RTN4IP1: variants seen among roughly 807,000 people sequenced by gnomAD.
The protein encoded by RTN4IP1 is reticulon 4 interacting protein 1.
In RTN4IP1, 32 loss-of-function variants were observed where a neutral mutation model predicts 46.6. The ratio of observed to expected loss-of-function variants is 0.69; its 90% CI spans 0.52 to 0.92. RTN4IP1 has a LOEUF of 0.92. Ranked by LOEUF, RTN4IP1 falls within the 40% of genes least tolerant of loss-of-function variation. The probability of loss-of-function intolerance (pLI) is 0.00; values close to 1 mark genes in which losing one functional copy is unlikely to be tolerated. For missense variants in RTN4IP1, 424 were observed against 485.8 expected (o/e 0.87, Z 1.20); for synonymous variants, 167 against 161.8 (o/e 1.03, Z -0.24).
intron 8 of RTN4IP1, among the ~76,000 whole-genome samples, chr6:106,572,595 C>T (rs1484962708): frequency 6.6e-6 from 1 of 152,112 alleles, no homozygotes; most frequent in East Asian, 1.9e-4. Context: ...CAGTTTGCAA[C>T]GTGTTGTCCC....
intron 7 of RTN4IP1, among the ~76,000 whole-genome samples, chr6:106,584,111 G>C (rs1487387222): frequency 6.6e-6 from 1 of 152,110 alleles, no homozygotes; most frequent in Non-Finnish European, 1.5e-5. Flanking sequence ...GTTATTCTTT[G>C]TTTATTTAAT....
intron 5 of RTN4IP1, among the ~76,000 whole-genome samples, chr6:106,596,073 T>C (rs901830937): frequency 2.6e-5 from 4 of 152,218 alleles, no homozygotes; most frequent in African/African-American, 9.6e-5. Context: ...GTTACATCTT[T>C]GGGCATTTCT....
At chr6:106,629,693 G>A, upstream of RTN4IP1, 1 of 1,606,368 alleles carries the variant, frequency 6.2e-7, no homozygotes, top group Non-Finnish European at 8.5e-7. Context: ...TGCTGGGCCG[G>A]AGCCTCCGAG....
intron 5 of RTN4IP1, among the ~76,000 whole-genome samples, chr6:106,598,883 A>C (rs1775873959): frequency 6.6e-6 from 1 of 152,024 alleles, no homozygotes; most frequent in African/African-American, 2.4e-5. Flanking sequence ...ATAAGGTGTA[A>C]GGAAGGGATC....
intron 3 of RTN4IP1, 87 bp downstream of exon 3, chr6:106,621,338 C>A: frequency 1.0e-6 from 1 of 994,896 alleles, no homozygotes; most frequent in Non-Finnish European, 1.6e-6. Flanking sequence ...CAAACATAAA[C>A]TAGATCTGAA....
At chr6:106,607,770 G>C (rs987243551) in intron 4 of RTN4IP1, 3 of 152,086 alleles carry the variant, frequency 2.0e-5, no homozygotes, top group Non-Finnish European at 4.4e-5. Context: ...AGATTAGCAT[G>C]GTCCCTGAGC....
At chr6:106,585,397 C>A (rs546436308) in intron 7 of RTN4IP1, among the ~76,000 whole-genome samples, 1 of 152,104 alleles carries the variant, frequency 6.6e-6, no homozygotes, top group South Asian at 2.1e-4. Context: ...ACTGTGGATC[C>A]AGTAAATGAC....
At chr6:106,620,630 T>C (rs1776464282) in intron 3 of RTN4IP1, among the ~76,000 whole-genome samples, 1 of 152,102 alleles carries the variant, frequency 6.6e-6, no homozygotes, top group Non-Finnish European at 1.5e-5. Context: ...TTAATAAATA[T>C]TGCATAGCTC....
chr6:106,605,400 T>C (rs1158901941), intron 4 of RTN4IP1, among the ~76,000 whole-genome samples: 1 of 145,812 alleles, frequency 6.9e-6, no homozygotes, highest in Non-Finnish European at 1.5e-5. Flanking sequence ...CACTCCAGCC[T>C]GGCAACAGAG....
Position 106,619,325 on chromosome 6 carries a change from A to G in RTN4IP1, c.497T>C (p.Val166Ala). The change falls in exon 4 of 9, where the codon GTC becomes GCC. Residue 166 changes from valine (V) to alanine (A), a missense_variant and splice_region_variant. Coordinates refer to ENST00000369063, the MANE Select transcript of RTN4IP1 (RefSeq NM_032730.5). ...SEFVVVSGNEVSHKPKSLTHT... is the reference protein window; with the variant it reads ...SEFVVVSGNEASHKPKSLTHT... ...AGTGAGTGATTTGGGTTTGTGAGAG[A>G]CCTACATTTGAAGACAACAGTCAAA... 1.2e-6 allele frequency: 2 copies of G among 1,614,030 alleles called. No individual in the cohort carries two copies. The highest frequency in any genetic ancestry group is 1.7e-6 in the Non-Finnish European group (2 of 1,179,974).
chr6:106,619,912 A>G (rs1207974002), intron 3 of RTN4IP1, among the ~76,000 whole-genome samples: 5 of 149,378 alleles, frequency 3.3e-5, no homozygotes, highest in Admixed American at 3.3e-4. Flanking sequence ...CGCCTGGCCT[A>G]TGATTTTCTT....
intron 4 of RTN4IP1, among the ~76,000 whole-genome samples, chr6:106,613,944 GC>G (rs2114670601): frequency 6.6e-6 from 1 of 152,232 alleles, no homozygotes; most frequent in South Asian, 2.1e-4. Flanking sequence ...TCACTTGGAA[GC>G]CCACCCCTCT....
intron 8 of RTN4IP1, among the ~76,000 whole-genome samples, chr6:106,574,162 C>T (rs1775159743): frequency 6.6e-6 from 1 of 152,124 alleles, no homozygotes; most frequent in African/African-American, 2.4e-5. Context: ...TGATGTTTCT[C>T]GGCCCAGTGC....
chr6:106,592,345 T>G, intron 5 of RTN4IP1, 45 bp from the exon 6 acceptor site: 1 of 1,588,868 alleles, frequency 6.3e-7, no homozygotes, highest in Non-Finnish European at 8.6e-7. Flanking sequence ...AGGGAGAGAT[T>G]AGAAAAACTG....
chr6:106,593,488 A>C (rs1775712652), intron 5 of RTN4IP1, among the ~76,000 whole-genome samples: 1 of 152,164 alleles, frequency 6.6e-6, no homozygotes, highest in Non-Finnish European at 1.5e-5. Flanking sequence ...ATAATTATAG[A>C]TCATAAGAGA....
intron 4 of RTN4IP1, among the ~76,000 whole-genome samples, chr6:106,616,176 C>T (rs1375640351): frequency 6.6e-6 from 1 of 152,172 alleles, no homozygotes; most frequent in Non-Finnish European, 1.5e-5. Flanking sequence ...CTCGGCCTCC[C>T]AAAGTGCTGG....
intron 7 of RTN4IP1, among the ~76,000 whole-genome samples, chr6:106,586,839 C>A (rs112712944): frequency 6.6e-6 from 1 of 152,154 alleles, no homozygotes; most frequent in South Asian, 2.1e-4. Context: ...TCAAGCTCTG[C>A]TATTAGTCTT....
chr6:106,580,668 G>A (rs1270935311), intron 8 of RTN4IP1, among the ~76,000 whole-genome samples: 5 of 148,306 alleles, frequency 3.4e-5, no homozygotes, highest in African/African-American at 1.2e-4. Context: ...GCAGTGAGCT[G>A]AGATCACACC....
intron 1 of RTN4IP1, among the ~76,000 whole-genome samples, chr6:106,623,872 T>C (rs565032249): frequency 1.5e-4 from 23 of 152,328 alleles, no homozygotes; most frequent in African/African-American, 4.6e-4. Context: ...GAAGTCAATA[T>C]ATAAATAAGG....
Sources: gnomAD v4.1 joint callset for allele counts (sites outside exome capture counted in the v4.1 genomes callset) on GRCh38, gnomAD v4.1.1 for gene constraint, MANE v1.5 for transcripts, NCBI Gene and HGNC (gene_info 2026-07-23, HGNC 2026-07-21) for gene names.